Variants in CSMD1 observed in about 807,000 individuals in gnomAD.
CSMD1 encodes CUB and Sushi multiple domains 1.
In CSMD1, 213 loss-of-function variants were observed where a neutral mutation model predicts 417.5. The ratio of observed to expected loss-of-function variants is 0.51; its 90% CI spans 0.46 to 0.57. The LOEUF (loss-of-function observed/expected upper bound fraction) is 0.57. Ranked by LOEUF, CSMD1 falls within the 20% of genes least tolerant of loss-of-function variation. CSMD1 has a pLI of 0.00. For missense variants in CSMD1, 6,923 were observed against 4,529.7 expected (o/e 1.53, Z -15.17); for synonymous variants, 2,862 against 1,736.8 (o/e 1.65, Z -16.11).
intron 1 of CSMD1, among the ~76,000 whole-genome samples, chr8:4,847,639 G>C (rs1440889576): frequency 2.6e-5 from 4 of 152,054 alleles, no homozygotes; most frequent in Admixed American, 2.6e-4. Flanking sequence ...CGAGGACCCT[G>C]TATAACATTT....
intron 3 of CSMD1, among the ~76,000 whole-genome samples, chr8:4,099,481 G>A (rs1801194844): frequency 6.6e-6 from 1 of 151,930 alleles, no homozygotes; most frequent in Non-Finnish European, 1.5e-5. Flanking sequence ...CTTCCACAGT[G>A]CTCCTTCCAG....
intron 8 of CSMD1, among the ~76,000 whole-genome samples, chr8:3,588,702 A>C (rs1800709253): frequency 6.6e-6 from 1 of 152,102 alleles, no homozygotes; most frequent in African/African-American, 2.4e-5. Context: ...CCCAAAGCGC[A>C]GACAACACAG....
intron 58 of CSMD1, 132 bp from the exon 59 acceptor site, chr8:2,966,086 A>G: frequency 1.4e-6 from 1 of 729,938 alleles, no homozygotes; most frequent in Non-Finnish European, 2.3e-6. Context: ...ATACAGCAAT[A>G]CTACCCTCTG....
At chr8:3,999,656 G>A (rs1815504450) in intron 4 of CSMD1, among the ~76,000 whole-genome samples, 1 of 152,204 alleles carries the variant, frequency 6.6e-6, no homozygotes, top group South Asian at 2.1e-4. Context: ...CCTTCCTACG[G>A]GATGCCAGGC....
intron 1 of CSMD1, among the ~76,000 whole-genome samples, chr8:4,703,080 C>A (rs1337596011): frequency 6.6e-6 from 1 of 152,158 alleles, no homozygotes; most frequent in Non-Finnish European, 1.5e-5. Context: ...TTATACCATA[C>A]ATAATTTGCA....
At chr8:3,594,787 A>T (rs1040477480) in intron 8 of CSMD1, among the ~76,000 whole-genome samples, 5 of 152,200 alleles carry the variant, frequency 3.3e-5, no homozygotes, top group Admixed American at 2.6e-4. Context: ...GCCGGTTGGG[A>T]AGGTGTTAAC....
intron 5 of CSMD1, among the ~76,000 whole-genome samples, chr8:3,765,862 G>A (rs1375520630): frequency 6.6e-6 from 1 of 152,192 alleles, no homozygotes; most frequent in Non-Finnish European, 1.5e-5. Flanking sequence ...AGAAAGAGGA[G>A]GATGACAGCA....
At chr8:3,600,012 G>T (rs935596958) in intron 8 of CSMD1, among the ~76,000 whole-genome samples, 3 of 152,174 alleles carry the variant, frequency 2.0e-5, no homozygotes, top group East Asian at 1.9e-4. Context: ...CAGGGAAAAT[G>T]ACCACCACAA....
chr8:4,312,626 C>T (rs573794607), intron 3 of CSMD1, among the ~76,000 whole-genome samples: 2 of 144,826 alleles, frequency 1.4e-5, no homozygotes, highest in East Asian at 3.9e-4. Context: ...CCTGTAATCC[C>T]AACACTTTGG....
In CSMD1 at chr8:3,308,302, C is replaced by A. The variant is rs778131486; in HGVS notation, c.3823+10G>T. ...CTTTTGCACAATGGTATGACTGCTT[C>A]CACACTCACCTATGCACGAAGGTAG... On this transcript the variant is annotated intron_variant, in intron 24 of 69. Coordinates refer to ENST00000635120, the MANE Select transcript of CSMD1 (RefSeq NM_033225.6). 3.1e-6 allele frequency: 5 copies of A among 1,593,580 alleles called. No individual in the cohort carries two copies. In the South Asian group the frequency reaches 3.3e-5, roughly 11 times the overall value.
At chr8:3,017,343 T>A (rs967106706) in intron 52 of CSMD1, among the ~76,000 whole-genome samples, 2 of 152,182 alleles carry the variant, frequency 1.3e-5, no homozygotes, top group Non-Finnish European at 2.9e-5. Context: ...TGGAAACTCC[T>A]AGAAGGACTT....
At chr8:4,590,585 A>C (rs1799937597) in intron 2 of CSMD1, among the ~76,000 whole-genome samples, 1 of 152,104 alleles carries the variant, frequency 6.6e-6, no homozygotes, top group African/African-American at 2.4e-5. Flanking sequence ...TAAATTAGAA[A>C]TATACTATTT....
intron 3 of CSMD1, among the ~76,000 whole-genome samples, chr8:4,328,309 A>C (rs1408215198): frequency 2.0e-5 from 3 of 147,002 alleles, no homozygotes; most frequent in Non-Finnish European, 4.4e-5. Flanking sequence ...CTTCCCCACG[A>C]CTCAGTTAAG....
rs376770298 is a variant in CSMD1 at position 2,998,051 on chromosome 8, C to A, written c.8337G>T (p.Arg2779=). 1.4e-4 allele frequency: 231 copies of A among 1,613,874 alleles called. No homozygotes were observed. Among genetic ancestry groups the A allele is most frequent in the Non-Finnish European group, 1.8e-4 (214 of 1,179,886 alleles). The change falls in exon 54 of 70, where the codon CGG becomes CGT. Residue 2779 remains arginine, a synonymous_variant. Transcript: ENST00000635120. ...GAGGGCTACTCCACTGGCCGTTGCTCCGACACTGGGCTCGAGACACGCCCT... is the reference window on the plus strand; with the variant it reads ...GAGGGCTACTCCACTGGCCGTTGCTACGACACTGGGCTCGAGACACGCCCT... The part of the protein sequence containing the change: ...LLQGVSRAQC[R]SNGQWSSPLP...
intron 12 of CSMD1, among the ~76,000 whole-genome samples, chr8:3,442,727 A>G (rs747990817): frequency 1.3e-5 from 2 of 152,224 alleles, no homozygotes; most frequent in Non-Finnish European, 2.9e-5. Flanking sequence ...CTGCATATGC[A>G]TGTATATATA....
intron 3 of CSMD1, among the ~76,000 whole-genome samples, chr8:4,065,973 G>A (rs1347660054): frequency 2.0e-5 from 3 of 152,166 alleles, no homozygotes; most frequent in South Asian, 2.1e-4. Context: ...CAATTTGGGT[G>A]AAAAATAAAA....
chr8:3,147,258 G>A (rs1026623193), intron 40 of CSMD1, among the ~76,000 whole-genome samples: 2 of 152,076 alleles, frequency 1.3e-5, no homozygotes, highest in Admixed American at 6.6e-5. Context: ...GATTTGTCAT[G>A]CTGTTTGTTT....
chr8:3,756,062 A>G (rs1797637863), intron 5 of CSMD1, among the ~76,000 whole-genome samples: 1 of 152,016 alleles, frequency 6.6e-6, no homozygotes, highest in Non-Finnish European at 1.5e-5. Context: ...CAGGTACTTT[A>G]AAAAATCATT....
chr8:3,411,967 CACGTATATATACACGTATATAT>C (rs1812791414), intron 12 of CSMD1, among the ~76,000 whole-genome samples: 1 of 2,508 alleles, frequency 4.0e-4, no homozygotes, highest in African/African-American at 1.2e-3. Flanking sequence ...CGTATATATG[CACGTATATATACACGTATATAT>C]ACGTGTATAT....
Sources: gnomAD v4.1 joint callset for allele counts (sites outside exome capture counted in the v4.1 genomes callset) on GRCh38, gnomAD v4.1.1 for gene constraint, MANE v1.5 for transcripts, NCBI Gene and HGNC (gene_info 2026-07-23, HGNC 2026-07-21) for gene names.